TIAM2: variants seen among roughly 807,000 people sequenced by gnomAD.
TIAM2 encodes rho guanine nucleotide exchange factor TIAM2.
A neutral mutation model predicts 152.9 loss-of-function variants in TIAM2; 80 were observed. The ratio of observed to expected loss-of-function variants is 0.52; its 90% CI spans 0.44 to 0.63. The LOEUF (loss-of-function observed/expected upper bound fraction) is 0.63, where lower values mean the gene tolerates loss of function less well. TIAM2 is among the 30% of genes least tolerant of loss of function. The pLI is 0.00. For missense variants in TIAM2, 1,965 were observed against 2,120.1 expected (o/e 0.93, Z 1.44); for synonymous variants, 804 against 838.0 (o/e 0.96, Z 0.70).
At position 155,219,050 on chromosome 6, in the gene TIAM2, C is replaced by T. The variant is rs972229943; in HGVS notation, c.3168+7743C>T. Among the ~76,000 whole-genome samples, 23 of 148,446 alleles carry T rather than the reference C, an allele frequency of 1.5e-4. 1 individual carries two copies. Among genetic ancestry groups the T allele is most frequent in the Middle Eastern group, 7.2e-3 (2 of 278 alleles). Reference sequence around the variant, plus strand: ...CACCCGTGTTCTTGACCATCTCAGCCGCCCACCCGTGTTCTTGACCATCTC... The same window carrying T: ...CACCCGTGTTCTTGACCATCTCAGCTGCCCACCCGTGTTCTTGACCATCTC... On this transcript the variant is annotated intron_variant, in intron 15 of 26. Transcript: ENST00000682666.
chr6:155,035,324 C>T (rs932136200), intron 1 of TIAM2, among the ~76,000 whole-genome samples: 7 of 151,444 alleles, frequency 4.6e-5, no homozygotes, highest in Admixed American at 1.3e-4. Flanking sequence ...CGGGTTCAAG[C>T]GATCCTCCTG....
At chr6:155,057,901 T>C (rs1420647375) in intron 1 of TIAM2, among the ~76,000 whole-genome samples, 2 of 152,186 alleles carry the variant, frequency 1.3e-5, no homozygotes, top group Admixed American at 1.3e-4. Context: ...ATAAGTTATC[T>C]ATAATTCTAC....
At chr6:155,012,610 G>T (rs1167316650) in intron 1 of TIAM2, among the ~76,000 whole-genome samples, 1 of 152,094 alleles carries the variant, frequency 6.6e-6, no homozygotes. Flanking sequence ...GAGTGCAGTG[G>T]CGTGATCTTG....
chr6:155,074,616 G>C (rs1777912537), intron 1 of TIAM2, among the ~76,000 whole-genome samples: 1 of 152,126 alleles, frequency 6.6e-6, no homozygotes, highest in Non-Finnish European at 1.5e-5. Flanking sequence ...CCAAAGTGCT[G>C]GGATTACAGG....
chr6:155,102,802 TGTGTGTGTA>T (rs1179166098), intron 2 of TIAM2, among the ~76,000 whole-genome samples: 2 of 146,232 alleles, frequency 1.4e-5, no homozygotes, highest in Non-Finnish European at 3.0e-5. Flanking sequence ...TGTGTGTGTG[TGTGTGTGTA>T]TACATATATT....
Position 155,257,245 on chromosome 6 carries a change from T to C in TIAM2, c.*124T>C. On this transcript the variant is annotated 3_prime_UTR_variant, in exon 27 of 27. Transcript: ENST00000682666. Reference sequence around the variant, plus strand: ...TCCTGGGTTTTGTGCAGTATACATTTTCCCACAAAATGGTTGTAAAGATTT... The same window carrying C: ...TCCTGGGTTTTGTGCAGTATACATTCTCCCACAAAATGGTTGTAAAGATTT... 4 of 1,081,952 alleles carry C rather than the reference T, an allele frequency of 3.7e-6. No individual in the cohort carries two copies. Among genetic ancestry groups the C allele is most frequent in the Non-Finnish European group, 5.2e-6 (4 of 769,784 alleles). 67.0% of individuals were successfully genotyped at this position (1,081,952 alleles called of 1,614,324 possible).
chr6:155,194,171 C>T (rs1164671580), intron 14 of TIAM2, among the ~76,000 whole-genome samples: 1 of 152,218 alleles, frequency 6.6e-6, no homozygotes, highest in African/African-American at 2.4e-5. Context: ...TAGAGCGTTC[C>T]AGGCGCAGAG....
At chr6:155,047,696 A>AGAGAGAGAG (rs1777218678) in intron 1 of TIAM2, among the ~76,000 whole-genome samples, 1 of 13,792 alleles carries the variant, frequency 7.3e-5, no homozygotes, top group African/African-American at 3.4e-4. Flanking sequence ...GAGGAGAGAG[A>AGAGAGAGAG]GAGAGAGAGC....
At chr6:155,036,987 GTCCTTAGGCACGGC>G (rs1776936085) in intron 1 of TIAM2, among the ~76,000 whole-genome samples, 1 of 152,112 alleles carries the variant, frequency 6.6e-6, no homozygotes, top group South Asian at 2.1e-4. Context: ...TTTCGCCTTT[GTCCTTAGGCACGGC>G]TCTCTATAAC....
chr6:155,189,092 G>A (rs1460084587), intron 14 of TIAM2, among the ~76,000 whole-genome samples: 1 of 152,178 alleles, frequency 6.6e-6, no homozygotes, highest in Non-Finnish European at 1.5e-5. Flanking sequence ...ATTGCTCTTG[G>A]GAATGTATGT....
chr6:155,243,846 C>CAAAAAAAAAA lies in TIAM2; in HGVS notation c.3349-143_3349-134dup, dbSNP rs59365890. Among the ~76,000 whole-genome samples the CAAAAAAAAAA allele has an allele frequency of 5.4e-4, 30 of 55,046 alleles. 1 individual carries two copies. Among genetic ancestry groups the CAAAAAAAAAA allele is most frequent in the African/African-American group, 2.3e-3 (29 of 12,390 alleles). 36.1% of individuals were successfully genotyped at this position (55,046 alleles called of 152,430 possible). A position where few individuals can be genotyped will look rare whatever the true frequency, so the allele number is the denominator to read the frequency against. On this transcript the variant is annotated intron_variant, in intron 16 of 26. Coordinates refer to ENST00000682666, the MANE Select transcript of TIAM2 (RefSeq NM_012454.4). ...TGGGTGACAGAGCAAGACTCCGTCT[C>CAAAAAAAAAA]AAAAAAAAAAAAAAAAAAAAAAAAA...
At chr6:155,039,391 T>A (rs1776979284) in intron 1 of TIAM2, among the ~76,000 whole-genome samples, 1 of 152,120 alleles carries the variant, frequency 6.6e-6, no homozygotes, top group Non-Finnish European at 1.5e-5. Context: ...CCCCTGAGTC[T>A]GAGATGTAAG....
chr6:155,099,811 G>A (rs1778513536), intron 2 of TIAM2, among the ~76,000 whole-genome samples: 1 of 152,200 alleles, frequency 6.6e-6, no homozygotes, highest in Non-Finnish European at 1.5e-5. Context: ...CTCATTGTGT[G>A]AACATCATAG....
At chr6:155,032,072 T>C (rs1163094023) in intron 1 of TIAM2, among the ~76,000 whole-genome samples, 3 of 151,034 alleles carry the variant, frequency 2.0e-5, no homozygotes, top group South Asian at 4.2e-4. Flanking sequence ...CTTTATACGA[T>C]GGAAGATCTG....
intron 7 of TIAM2, among the ~76,000 whole-genome samples, chr6:155,162,790 C>G (rs1292536387): frequency 6.6e-6 from 1 of 152,164 alleles, no homozygotes; most frequent in East Asian, 1.9e-4. Context: ...CAGTAGGCCA[C>G]CACGTTGCTA....
intron 1 of TIAM2, among the ~76,000 whole-genome samples, chr6:155,068,161 C>G (rs1194477280): frequency 6.6e-6 from 1 of 152,160 alleles, no homozygotes; most frequent in Non-Finnish European, 1.5e-5. Flanking sequence ...GCCAGAGTTT[C>G]CAGCCTCTTG....
At chr6:155,189,536 A>T (rs1217753736) in intron 14 of TIAM2, among the ~76,000 whole-genome samples, 3 of 152,108 alleles carry the variant, frequency 2.0e-5, no homozygotes, top group Admixed American at 2.0e-4. Flanking sequence ...CTGGATACTA[A>T]TTTCCTTATA....
At chr6:155,206,847 C>T (rs927467518) in intron 14 of TIAM2, among the ~76,000 whole-genome samples, 2 of 152,102 alleles carry the variant, frequency 1.3e-5, no homozygotes, top group African/African-American at 4.8e-5. Flanking sequence ...GTATATTAAC[C>T]AGATACAAAT....
chr6:155,074,366 T>A (rs1777906662), intron 1 of TIAM2, among the ~76,000 whole-genome samples: 1 of 152,164 alleles, frequency 6.6e-6, no homozygotes, highest in African/African-American at 2.4e-5. Context: ...GTTTTTTTGT[T>A]TTTTGAGGTG....
Sources: allele counts gnomAD v4.1 joint callset (sites outside exome capture counted in the v4.1 genomes callset), GRCh38; gene constraint gnomAD v4.1.1; transcripts MANE v1.5; gene names NCBI Gene and HGNC (gene_info 2026-07-23, HGNC 2026-07-21).